The following RGS22 variants were observed in gnomAD, a reference collection of about 807,000 sequenced individuals.
RGS22 encodes regulator of G-protein signaling 22.
RGS22 carries 148 observed loss-of-function variants against 172.9 expected under a neutral mutation model. The observed-to-expected ratio is 0.86, with a 90% CI of 0.75 to 0.98. The LOEUF (loss-of-function observed/expected upper bound fraction) is 0.98, where lower values mean the gene tolerates loss of function less well. Ranked by LOEUF, RGS22 falls within the 50% of genes least tolerant of loss-of-function variation. RGS22 has a pLI of 0.00. For missense variants in RGS22, 1,347 were observed against 1,440.8 expected (o/e 0.93, Z 1.05); for synonymous variants, 458 against 480.2 (o/e 0.95, Z 0.60).
rs1055802184 is a variant in RGS22, at chr8:99,982,229, A to G, written c.3181-113T>C. ...ATATGCATTTCAACTTTAGGTCAAG[A>G]AGGCAGTGGGATATTTCAAGGCTGT... On this transcript the variant is annotated intron_variant, in intron 21 of 27. Transcript: ENST00000360863. The G allele has an allele frequency of 6.7e-5, 53 of 786,660 alleles. 1 individual carries two copies. Among genetic ancestry groups the G allele is most frequent in the Non-Finnish European group, 9.8e-5 (52 of 529,870 alleles). 48.7% of individuals were successfully genotyped at this position (786,660 alleles called of 1,614,324 possible).
intron 10 of RGS22, among the ~76,000 whole-genome samples, chr8:100,050,621 C>G (rs1367140432): frequency 6.6e-6 from 1 of 152,160 alleles, no homozygotes; most frequent in African/African-American, 2.4e-5. Context: ...TTAAGGGCTA[C>G]TATGATTAAT....
At position 99,962,881 on chromosome 8, in the gene RGS22, T is replaced by G; in HGVS notation, c.3709+4A>C. ...TAAACTTGTAGGCAGAAGGCAAAAATTACCTGCAAACAACTTTTTTTCTAG... is the reference window on the plus strand; with the variant it reads ...TAAACTTGTAGGCAGAAGGCAAAAAGTACCTGCAAACAACTTTTTTTCTAG... On this transcript the variant is annotated splice_donor_region_variant and intron_variant, in intron 25 of 27. Coordinates refer to ENST00000360863, the MANE Select transcript of RGS22 (RefSeq NM_015668.5). The G allele has an allele frequency of 1.9e-6, 3 of 1,592,208 alleles. No homozygotes were observed. Among genetic ancestry groups the G allele is most frequent in the Non-Finnish European group, 2.6e-6 (3 of 1,174,752 alleles).
intron 23 of RGS22, among the ~76,000 whole-genome samples, 158 bp from the exon 24 acceptor site, chr8:99,965,588 T>C (rs1370417177): frequency 2.0e-5 from 3 of 152,204 alleles, no homozygotes; most frequent in Non-Finnish European, 4.4e-5. Flanking sequence ...TGACAGAGTC[T>C]CCTGCTTTGA....
intron 14 of RGS22, among the ~76,000 whole-genome samples, chr8:100,021,951 G>T (rs935041161): frequency 6.6e-6 from 1 of 152,004 alleles, no homozygotes; most frequent in South Asian, 2.1e-4. Flanking sequence ...GTTCATATGC[G>T]GCAGAAAAAG....
At chr8:99,982,836 C>T (rs543536656) in intron 21 of RGS22, among the ~76,000 whole-genome samples, 2 of 152,234 alleles carry the variant, frequency 1.3e-5, no homozygotes, top group South Asian at 4.1e-4. Context: ...ATTTTAGACA[C>T]GGGGGTACAT....
intron 3 of RGS22, among the ~76,000 whole-genome samples, chr8:100,081,137 G>A (rs1441422138): frequency 6.6e-6 from 1 of 151,916 alleles, no homozygotes; most frequent in Non-Finnish European, 1.5e-5. Context: ...TTATTTTAGG[G>A]TGCCTTCAGT....
At chr8:100,031,070 T>G (rs1197165717) in intron 14 of RGS22, among the ~76,000 whole-genome samples, 1 of 152,154 alleles carries the variant, frequency 6.6e-6, no homozygotes, top group Non-Finnish European at 1.5e-5. Flanking sequence ...TCCGTATACA[T>G]GTCAAAACTG....
intron 4 of RGS22, among the ~76,000 whole-genome samples, chr8:100,078,989 A>G (rs1811554524): frequency 6.6e-6 from 1 of 152,366 alleles, no homozygotes; most frequent in African/African-American, 2.4e-5. Flanking sequence ...TTTATAATAG[A>G]CATGCTTAAT....
At chr8:100,008,244 GCTAGGCTGGTCTTGAACTCCTGACCT>G in intron 15 of RGS22, 105 bp downstream of exon 15, 1 of 756,992 alleles carries the variant, frequency 1.3e-6, no homozygotes, top group Admixed American at 2.8e-5. Context: ...CACCACGTTA[GCTAGGCTGGTCTTGAACTCCTGACCT>G]CAGGTGATCC....
chr8:99,979,136 C>T (rs1812278071), intron 22 of RGS22, among the ~76,000 whole-genome samples: 1 of 152,064 alleles, frequency 6.6e-6, no homozygotes, highest in African/African-American at 2.4e-5. Context: ...CATTTACCTG[C>T]CATACATTTA....
chr8:99,981,154 T>C (rs1408652622), intron 22 of RGS22, among the ~76,000 whole-genome samples: 2 of 152,226 alleles, frequency 1.3e-5, no homozygotes, highest in African/African-American at 4.8e-5. Context: ...TTAATCATTT[T>C]TTAGTAACAA....
At chr8:100,008,929 A>G (rs1159011285) in intron 14 of RGS22, among the ~76,000 whole-genome samples, 1 of 152,136 alleles carries the variant, frequency 6.6e-6, no homozygotes, top group African/African-American at 2.4e-5. Flanking sequence ...GGCTTGAAAT[A>G]CTTTTTTTTG....
At chr8:99,995,584 T>C (rs1814275497) in intron 20 of RGS22, among the ~76,000 whole-genome samples, 1 of 152,178 alleles carries the variant, frequency 6.6e-6, no homozygotes, top group Admixed American at 6.5e-5. Context: ...CCAGCTGGAA[T>C]GGCAATTATT....
chr8:99,972,926 C>T (rs1209431272), intron 23 of RGS22, among the ~76,000 whole-genome samples: 6 of 140,686 alleles, frequency 4.3e-5, no homozygotes, highest in East Asian at 2.1e-4. Context: ...CCCAGCTACT[C>T]GGGAGGCTGA....
Position 100,003,958 on chromosome 8 carries a change from A to ATGTTCAAAC in RGS22, c.2586_2594dup (p.Glu864_His865insGlnPheGlu), listed in dbSNP as rs765675339. ...AATGAGTCTCAAGAAACTGACGGAA[A>ATGTTCAAAC]TGTTCAAACTCCAGTTTGTTGTTAA... On this transcript the variant is annotated inframe_insertion, in exon 17 of 28. Coordinates refer to ENST00000360863, the MANE Select transcript of RGS22 (RefSeq NM_015668.5). 1.4e-4 allele frequency: 218 copies of ATGTTCAAAC among 1,609,290 alleles called. No individual in the cohort carries two copies. Among genetic ancestry groups the ATGTTCAAAC allele is most frequent in the Non-Finnish European group, 1.7e-4 (197 of 1,177,484 alleles).
At chr8:99,994,074 C>G (rs1814073326) in intron 20 of RGS22, among the ~76,000 whole-genome samples, 1 of 152,080 alleles carries the variant, frequency 6.6e-6, no homozygotes, top group Non-Finnish European at 1.5e-5. Context: ...ACCCTTCATG[C>G]TAAAAACTCT....
chr8:100,029,657 C>G (rs1237275094), intron 14 of RGS22, among the ~76,000 whole-genome samples: 4 of 128,526 alleles, frequency 3.1e-5, no homozygotes, highest in Non-Finnish European at 6.2e-5. Context: ...GAGCCAAGAT[C>G]ATGCCATTGG....
chr8:100,001,237 T>TATATATATATATA (rs529176374), intron 18 of RGS22, among the ~76,000 whole-genome samples: 1 of 57,158 alleles, frequency 1.7e-5, no homozygotes, highest in Non-Finnish European at 4.3e-5. Context: ...TATATATACA[T>TATATATATATATA]TTTTTTTTTT....
intron 27 of RGS22, 50 bp from the exon 28 acceptor site, chr8:99,961,246 T>A (rs1350040169): frequency 2.3e-6 from 1 of 436,768 alleles, no homozygotes; most frequent in African/African-American, 2.1e-5. Context: ...ATAGAAAATA[T>A]AAATACAAAT....
Sources: gnomAD v4.1 joint callset for allele counts (sites outside exome capture counted in the v4.1 genomes callset) on GRCh38, gnomAD v4.1.1 for gene constraint, MANE v1.5 for transcripts, NCBI Gene and HGNC (gene_info 2026-07-23, HGNC 2026-07-21) for gene names.